Variants in CLSTN2 observed in about 807,000 individuals in gnomAD.
CLSTN2 encodes calsyntenin-2.
A neutral mutation model predicts 101.2 loss-of-function variants in CLSTN2; 48 were observed. The observed-to-expected ratio is 0.47, with a 90% CI of 0.38 to 0.60. The LOEUF (loss-of-function observed/expected upper bound fraction) is 0.60, where lower values mean the gene tolerates loss of function less well. Ranked by LOEUF, CLSTN2 falls within the 20% of genes least tolerant of loss-of-function variation. The probability of loss-of-function intolerance (pLI) is 0.00; values close to 1 mark genes in which losing one functional copy is unlikely to be tolerated. For synonymous variants in CLSTN2, 481 were observed against 463.6 expected (o/e 1.04, Z -0.48); for missense variants, 1,160 against 1,238.2 (o/e 0.94, Z 0.95).
chr3:140,206,127 G>A (rs1292003822), intron 2 of CLSTN2, among the ~76,000 whole-genome samples: 1 of 152,214 alleles, frequency 6.6e-6, no homozygotes, highest in Non-Finnish European at 1.5e-5. Context: ...TAGAAGTACT[G>A]CTGCTGAGAT....
At chr3:140,005,068 T>G (rs2006926488) in intron 1 of CLSTN2, among the ~76,000 whole-genome samples, 1 of 152,154 alleles carries the variant, frequency 6.6e-6, no homozygotes, top group Non-Finnish European at 1.5e-5. Flanking sequence ...CCCTGGATCT[T>G]ACACCCACTA....
intron 2 of CLSTN2, among the ~76,000 whole-genome samples, chr3:140,292,812 A>C (rs2086967911): frequency 6.6e-6 from 1 of 152,248 alleles, no homozygotes; most frequent in South Asian, 2.1e-4. Context: ...TGCTTTAAAA[A>C]TCACAAGGAA....
intron 6 of CLSTN2, among the ~76,000 whole-genome samples, chr3:140,453,715 T>C (rs1559873999): frequency 6.6e-6 from 1 of 152,244 alleles, no homozygotes; most frequent in Admixed American, 6.5e-5. Flanking sequence ...AAATATTGCA[T>C]TGTATCCCAT....
intron 2 of CLSTN2, among the ~76,000 whole-genome samples, chr3:140,222,337 G>C (rs972228994): frequency 1.3e-5 from 2 of 152,182 alleles, no homozygotes; most frequent in African/African-American, 4.8e-5. Context: ...AGGGATGGGG[G>C]TGGAAGGGAG....
At chr3:140,488,941 G>A (rs530948285) in intron 8 of CLSTN2, among the ~76,000 whole-genome samples, 1 of 152,204 alleles carries the variant, frequency 6.6e-6, no homozygotes, top group African/African-American at 2.4e-5. Context: ...TCCAGACTGG[G>A]AAAATCTATT....
intron 8 of CLSTN2, among the ~76,000 whole-genome samples, chr3:140,480,749 G>C (rs564206299): frequency 5.4e-4 from 82 of 152,258 alleles, no homozygotes; most frequent in African/African-American, 1.8e-3. Context: ...GTCTTCTTTT[G>C]AGAAGTGTCT....
At chr3:140,556,084 T>C (rs147207857) in intron 10 of CLSTN2, among the ~76,000 whole-genome samples, 225 of 151,958 alleles carry the variant, frequency 1.5e-3, no homozygotes, top group African/African-American at 5.1e-3. Context: ...GGTCAGAAAA[T>C]GGAGTGCAAG....
chr3:140,030,035 T>G (rs1003375258), intron 1 of CLSTN2, among the ~76,000 whole-genome samples: 2 of 152,206 alleles, frequency 1.3e-5, no homozygotes, highest in Admixed American at 6.5e-5. Context: ...TTTGCTTTTG[T>G]TCAGTGATAA....
intron 1 of CLSTN2, among the ~76,000 whole-genome samples, chr3:139,954,368 T>A (rs981594963): frequency 6.6e-6 from 1 of 152,168 alleles, no homozygotes; most frequent in Non-Finnish European, 1.5e-5. Context: ...TGTCTTCACA[T>A]CCATCTGGGG....
chr3:139,935,577 C>A lies in CLSTN2; in HGVS notation c.109+94C>A. The A allele has an allele frequency of 1.7e-6, 1 of 586,240 alleles. No homozygotes were observed. The allele number at this position is 586,240 out of a possible 1,614,324, so 36.3% of individuals were successfully genotyped here. A position where few individuals can be genotyped will look rare whatever the true frequency, so the allele number is the denominator to read the frequency against. On this transcript the variant is annotated intron_variant, in intron 1 of 16. Coordinates refer to ENST00000458420, the MANE Select transcript of CLSTN2 (RefSeq NM_022131.3). This position sits in a 1 kb window ranked among gnomAD's most constrained non-coding sequence, Gnocchi z 5.5. ...AGGACCTAGGCTCAAGCTGGATTTG[C>A]CCACCCTCCCTTGCCGCAGCTTCTT...
At chr3:139,992,163 A>G (rs1196566670) in intron 1 of CLSTN2, among the ~76,000 whole-genome samples, 2 of 152,206 alleles carry the variant, frequency 1.3e-5, no homozygotes, top group Non-Finnish European at 2.9e-5. Context: ...CAAGACTTTT[A>G]ACAGATGGAT....
chr3:140,263,559 A>T (rs1162646229), intron 2 of CLSTN2, among the ~76,000 whole-genome samples: 3 of 152,184 alleles, frequency 2.0e-5, no homozygotes, highest in Non-Finnish European at 4.4e-5. Flanking sequence ...GAGCCTAATT[A>T]CCAGTTAACC....
At chr3:140,286,047 T>C (rs1350513011) in intron 2 of CLSTN2, among the ~76,000 whole-genome samples, 1 of 152,166 alleles carries the variant, frequency 6.6e-6, no homozygotes, top group East Asian at 1.9e-4. Flanking sequence ...CGTTAGGCTC[T>C]AAGATGAGCT....
At chr3:139,953,207 GTC>G (rs1935322528) in intron 1 of CLSTN2, among the ~76,000 whole-genome samples, 1 of 152,134 alleles carries the variant, frequency 6.6e-6, no homozygotes, top group Non-Finnish European at 1.5e-5. Context: ...AGACTAGATA[GTC>G]TCTATCATAT....
Position 139,955,112 on chromosome 3 carries a change from CTATATATATA to C in CLSTN2, c.109+19647_109+19656del, listed in dbSNP as rs58418059. The stretch of plus-strand genomic sequence containing the variant: ...CATACATGTATATATGGCAATATTG[CTATATATATA>C]TATATATATATATATATGGCAATTC... On this transcript the variant is annotated intron_variant, in intron 1 of 16. Coordinates refer to ENST00000458420, the MANE Select transcript of CLSTN2 (RefSeq NM_022131.3). 5.6e-4 allele frequency among the ~76,000 whole-genome samples: 40 copies of C among 71,544 alleles called. 1 individual carries two copies. Among genetic ancestry groups the C allele is most frequent in the South Asian group, 1.5e-3 (2 of 1,368 alleles). The allele number at this position is 71,544 out of a possible 152,430, so 46.9% of individuals were successfully genotyped here. A position where few individuals can be genotyped will look rare whatever the true frequency, so the allele number is the denominator to read the frequency against.
chr3:140,137,756 C>T (rs1045988593), intron 1 of CLSTN2, among the ~76,000 whole-genome samples: 22 of 152,186 alleles, frequency 1.4e-4, no homozygotes, highest in African/African-American at 5.3e-4. Context: ...CTCGCCCAGC[C>T]CCATGAGGCA....
intron 2 of CLSTN2, among the ~76,000 whole-genome samples, chr3:140,310,777 T>C (rs956837415): frequency 1.3e-5 from 2 of 152,236 alleles, no homozygotes; most frequent in Admixed American, 6.5e-5. Context: ...GAAAAGTGTT[T>C]AGAACAGTGT....
intron 1 of CLSTN2, among the ~76,000 whole-genome samples, chr3:140,116,366 C>T (rs185523856): frequency 6.6e-5 from 10 of 152,164 alleles, no homozygotes; most frequent in East Asian, 3.9e-4. Context: ...AGCTAGACAC[C>T]GTTGCCTGCA....
chr3:140,199,166 A>C (rs1263689649), intron 2 of CLSTN2, among the ~76,000 whole-genome samples: 1 of 152,166 alleles, frequency 6.6e-6, no homozygotes, highest in African/African-American at 2.4e-5. Context: ...CTTATCTTGT[A>C]AGTACGCAGA....
Sources: allele counts gnomAD v4.1 joint callset (sites outside exome capture counted in the v4.1 genomes callset), GRCh38; gene constraint gnomAD v4.1.1; non-coding constraint Gnocchi (gnomAD v3.1); transcripts MANE v1.5; gene names NCBI Gene and HGNC (gene_info 2026-07-23, HGNC 2026-07-21).